The following MAP4 variants were observed in gnomAD, a reference collection of about 807,000 sequenced individuals.
MAP4 encodes microtubule-associated protein 4.
A neutral mutation model predicts 170.2 loss-of-function variants in MAP4; 76 were observed. That is an observed-to-expected ratio of 0.45 (90% confidence interval 0.37 to 0.54). MAP4 has a LOEUF of 0.54. Ranked by LOEUF, MAP4 falls within the 20% of genes least tolerant of loss-of-function variation. The pLI is 0.00. For synonymous variants in MAP4, 909 were observed against 994.5 expected (o/e 0.91, Z 1.62); for missense variants, 2,506 against 2,748.0 (o/e 0.91, Z 1.97).
At position 47,855,291 on chromosome 3, in the gene MAP4, G is replaced by T. The variant is rs1339258916; in HGVS notation, c.6653C>A (p.Ser2218Tyr). The change falls in exon 19 of 21, where the codon TCC becomes TAC. Residue 2218 changes from serine (S) to tyrosine (Y), a missense_variant. Transcript: ENST00000683076. This position sits in a 1 kb window ranked among gnomAD's most constrained non-coding sequence, Gnocchi z 5.1. ...AGGTAGGTGGCCCACATTATCGAGG[G>T]ATCCCACCTTGGCCTGGGCCTTCTC... ...FKEKAQAKVG[S>Y]LDNVGHLPAG... 6.2e-6 allele frequency: 10 copies of T among 1,614,030 alleles called. No homozygotes were observed. Among genetic ancestry groups the T allele is most frequent in the Non-Finnish European group, 8.5e-6 (10 of 1,179,954 alleles).
In MAP4 at chr3:47,871,018, A is replaced by G. The variant is rs1316413751; in HGVS notation, c.6089T>C (p.Val2030Ala). The change falls in exon 15 of 21, where the codon GTT (valine) becomes GCT (alanine). Residue 2030 changes from valine (V) to alanine (A), a missense_variant. Val to Ala is a moderately conservative substitution (Grantham distance 64). Coordinates refer to ENST00000683076, the MANE Select transcript of MAP4 (RefSeq NM_001385682.1). ...GGGTGTGGCCTTGACTCGGCTGGGAACCACCCCTGCAGCGGGGGCTGTCCC... is the reference window on the plus strand; with the variant it reads ...GGGTGTGGCCTTGACTCGGCTGGGAGCCACCCCTGCAGCGGGGGCTGTCCC... ...LSGTAPAAGVVPSRVKATPMP... is the reference protein window; with the variant it reads ...LSGTAPAAGVAPSRVKATPMP... 6.2e-7 allele frequency: 1 copy of G among 1,613,956 alleles called. No individual in the cohort carries two copies. Among genetic ancestry groups the G allele is most frequent in the South Asian group, 1.1e-5 (1 of 91,078 alleles).
intron 16 of MAP4, 95 bp downstream of exon 16, chr3:47,869,119 G>T (rs1220614827): frequency 1.0e-6 from 1 of 956,630 alleles, no homozygotes; most frequent in Non-Finnish European, 1.7e-6. Context: ...ACTAGTTAGG[G>T]AAAGGGAAAA....
chr3:47,869,820 G>A (rs539158080), intron 15 of MAP4, among the ~76,000 whole-genome samples: 1 of 152,172 alleles, frequency 6.6e-6, no homozygotes, highest in Non-Finnish European at 1.5e-5. Context: ...AAGAACTCCT[G>A]TAACTTTTGC....
At chr3:48,059,151 C>T (rs933324110) in intron 1 of MAP4, among the ~76,000 whole-genome samples, 8 of 152,074 alleles carry the variant, frequency 5.3e-5, no homozygotes, top group African/African-American at 1.9e-4. Flanking sequence ...TCAGTAAAAA[C>T]ACTTTGTGAT....
chr3:47,978,069 A>C, intron 2 of MAP4, 136 bp from the exon 3 acceptor site: 1 of 596,076 alleles, frequency 1.7e-6, no homozygotes, highest in East Asian at 2.7e-5. Context: ...TTCAAAATTT[A>C]AACATTTAAC....
intron 1 of MAP4, among the ~76,000 whole-genome samples, chr3:48,038,349 C>A (rs891163443): frequency 2.6e-5 from 4 of 151,580 alleles, no homozygotes; most frequent in Non-Finnish European, 5.9e-5. Flanking sequence ...TTATCACCAT[C>A]CATGGCAAAA....
intron 2 of MAP4, among the ~76,000 whole-genome samples, chr3:47,991,642 AG>A (rs2100092303): frequency 6.6e-6 from 1 of 151,934 alleles, no homozygotes. Flanking sequence ...ACTCCAGCCT[AG>A]GTGACATGGA....
intron 3 of MAP4, among the ~76,000 whole-genome samples, chr3:47,977,575 T>C (rs576629245): frequency 3.9e-5 from 6 of 152,216 alleles, no homozygotes; most frequent in Non-Finnish European, 5.9e-5. Flanking sequence ...GTAACATATT[T>C]TGGTGATCAT....
At chr3:47,928,393 T>C (rs1395513426) in intron 3 of MAP4, 43 bp from the exon 4 acceptor site, 2 of 1,602,420 alleles carry the variant, frequency 1.2e-6, no homozygotes, top group Admixed American at 1.7e-5. Context: ...GATATTACAG[T>C]TTTCTCCTCC....
intron 10 of MAP4, among the ~76,000 whole-genome samples, chr3:47,881,806 G>A (rs1454971210): frequency 1.3e-5 from 2 of 151,816 alleles, no homozygotes; most frequent in East Asian, 3.9e-4. Context: ...GGGTCTCCCT[G>A]GGTTGCTCAG....
intron 1 of MAP4, among the ~76,000 whole-genome samples, chr3:48,086,749 C>G (rs1412375057): frequency 3.3e-5 from 5 of 152,228 alleles, no homozygotes; most frequent in Admixed American, 3.3e-4. Context: ...CAGCCCAGAA[C>G]AATGGAGGTG....
chr3:48,079,373 G>C (rs528336150), intron 1 of MAP4, among the ~76,000 whole-genome samples: 1 of 152,116 alleles, frequency 6.6e-6, no homozygotes, highest in Non-Finnish European at 1.5e-5. Flanking sequence ...CAAGGCTGGA[G>C]CTGGGTGCAG....
At chr3:48,051,564 T>TG (rs2100127886) in intron 1 of MAP4, among the ~76,000 whole-genome samples, 1 of 152,174 alleles carries the variant, frequency 6.6e-6, no homozygotes, top group Non-Finnish European at 1.5e-5. Flanking sequence ...GGTTATTGAT[T>TG]TTGGCAAGAT....
intron 13 of MAP4, 74 bp from the exon 14 acceptor site, chr3:47,871,360 C>T (rs1295686509): frequency 5.1e-6 from 6 of 1,179,660 alleles, no homozygotes; most frequent in Admixed American, 3.4e-5. Context: ...TAGTGAGATT[C>T]CTCATTATTT....
chr3:48,076,942 G>A (rs1374744331), intron 1 of MAP4, among the ~76,000 whole-genome samples: 2 of 151,752 alleles, frequency 1.3e-5, no homozygotes, highest in East Asian at 3.9e-4. Context: ...TTCAGCCCAG[G>A]AGTTCACTGG....
chr3:48,076,059 TA>T (rs58962372), intron 1 of MAP4, among the ~76,000 whole-genome samples: 83 of 142,982 alleles, frequency 5.8e-4, no homozygotes, highest in East Asian at 1.4e-3. Flanking sequence ...TTGAAATTGA[TA>T]AAAAAAAAAC....
At chr3:47,854,224 G>A (rs145786197) in intron 19 of MAP4, among the ~76,000 whole-genome samples, 1 of 152,320 alleles carries the variant, frequency 6.6e-6, no homozygotes, top group African/African-American at 2.4e-5. Flanking sequence ...ACGCTCGCTC[G>A]CTGTGTCCTT....
chr3:47,996,497 G>A (rs2154363837), intron 2 of MAP4, among the ~76,000 whole-genome samples: 1 of 152,336 alleles, frequency 6.6e-6, no homozygotes, highest in African/African-American at 2.4e-5. Flanking sequence ...GGCTGAAAGA[G>A]TGGAGCAAGC....
Position 47,857,441 on chromosome 3 carries a change from C to T in MAP4, c.6573G>A (p.Lys2191=), listed in dbSNP as rs1457023846. ...SSKCGSKANI[K]HKPGGGDVKI... is the part of the protein sequence containing the mutation. The stretch of plus-strand genomic sequence containing the variant: ...GGAGGCACCACTCACCAGGCTTGTG[C>T]TTGATGTTAGCCTTAGACCCACACT... Residue 2191 remains lysine (K), a synonymous_variant, in exon 18 of 21, where the codon AAG becomes AAA. Transcript: ENST00000683076. 6 of 1,613,938 alleles carry T rather than the reference C, an allele frequency of 3.7e-6. No homozygotes were observed. Among genetic ancestry groups the T allele is most frequent in the Middle Eastern group, 1.6e-4 (1 of 6,076 alleles).
Sources: allele counts gnomAD v4.1 joint callset (sites outside exome capture counted in the v4.1 genomes callset), GRCh38; gene constraint gnomAD v4.1.1; non-coding constraint Gnocchi (gnomAD v3.1); transcripts MANE v1.5; gene names NCBI Gene and HGNC (gene_info 2026-07-23, HGNC 2026-07-21).